The following ZNF536 variants were observed in gnomAD, a reference collection of about 807,000 sequenced individuals.
ZNF536 encodes zinc finger protein 536.
A neutral mutation model predicts 84.5 loss-of-function variants in ZNF536; 13 were observed. The observed-to-expected ratio is 0.15, with a 90% confidence interval of 0.10 to 0.24. The LOEUF is 0.24. Ranked by LOEUF, ZNF536 falls within the 10% of genes least tolerant of loss-of-function variation. The pLI is 1.00. For missense variants in ZNF536, 1,536 were observed against 1,747.5 expected, an observed-to-expected ratio of 0.88 and a Z score of 2.16; for synonymous variants, 811 against 742.5, an observed-to-expected ratio of 1.09 and a Z score of -1.50.
chr19:30,421,705 T>A (rs1416315644), intron 1 of ZNF536, among the ~76,000 whole-genome samples: 1 of 149,850 alleles, frequency 6.7e-6, no homozygotes, highest in Non-Finnish European at 1.5e-5. Flanking sequence ...TAAAACAACC[T>A]AAGTCACAGG....
chr19:30,699,421 T>G (rs2051799932), intron 1 of ZNF536, among the ~76,000 whole-genome samples: 1 of 151,298 alleles, frequency 6.6e-6, no homozygotes, highest in Non-Finnish European at 1.5e-5. Flanking sequence ...AATAAGTACA[T>G]TTTTTTTTGG....
At chr19:30,383,510 CTAAACCACGT>C (rs1360213390) in intron 1 of ZNF536, among the ~76,000 whole-genome samples, 2 of 141,306 alleles carry the variant, frequency 1.4e-5, no homozygotes, top group Non-Finnish European at 3.0e-5. Flanking sequence ...TGGACACAGC[CTAAACCACGT>C]ACACACCTGC....
Position 30,422,594 on chromosome 19 carries a change from C to T in ZNF536, c.-2-20967C>T, listed in dbSNP as rs146665911. Among the ~76,000 whole-genome samples, 1,151 of 152,270 alleles carry T rather than the reference C, an allele frequency of 7.6e-3. 15 individuals carry two copies. Among genetic ancestry groups the T allele is most frequent in the Middle Eastern group, 0.037 (11 of 294 alleles). ...TGACCCTCTTCCTTTCTAGAGGAGA[C>T]TTGTCCAGGCTTATCTCCACAGTTC... On this transcript the variant is annotated intron_variant, in intron 1 of 4. Transcript: ENST00000355537.
At chr19:30,607,587 T>A (rs1220657148) in intron 1 of ZNF536, among the ~76,000 whole-genome samples, 1 of 151,730 alleles carries the variant, frequency 6.6e-6, no homozygotes. Flanking sequence ...CTGGACGTGG[T>A]GGTGCACACC....
chr19:30,490,162 T>C (rs1220833142), intron 2 of ZNF536, among the ~76,000 whole-genome samples: 1 of 144,246 alleles, frequency 6.9e-6, no homozygotes, highest in African/African-American at 2.7e-5. Context: ...ATTGCTAACT[T>C]TTTTTTTTAA....
chr19:30,670,848 C>A (rs375802462), intron 1 of ZNF536, among the ~76,000 whole-genome samples: 1 of 152,174 alleles, frequency 6.6e-6, no homozygotes. Context: ...GCTGTAACAG[C>A]GAGAGCACAG....
chr19:30,451,940 C>T (rs764116678), intron 2 of ZNF536, among the ~76,000 whole-genome samples: 52 of 152,322 alleles, frequency 3.4e-4, no homozygotes, highest in South Asian at 6.2e-4. Flanking sequence ...AGGAATTAAG[C>T]GGTCAATTTT....
intron 1 of ZNF536, among the ~76,000 whole-genome samples, chr19:30,674,773 T>C (rs564631677): frequency 6.6e-6 from 1 of 152,286 alleles, no homozygotes; most frequent in East Asian, 1.9e-4. Flanking sequence ...GTATAGTGTG[T>C]TCTTGGTTGG....
intron 1 of ZNF536, among the ~76,000 whole-genome samples, chr19:30,617,508 G>T (rs2048345699): frequency 6.6e-6 from 1 of 151,038 alleles, no homozygotes; most frequent in Admixed American, 6.6e-5. Context: ...CTGCCACCAC[G>T]CCTGGCTAAT....
At chr19:30,566,130 C>A (rs2046337837) in intron 1 of ZNF536, among the ~76,000 whole-genome samples, 1 of 152,204 alleles carries the variant, frequency 6.6e-6, no homozygotes, top group South Asian at 2.1e-4. Flanking sequence ...CTTTGGGCAG[C>A]CTAGAGGAGA....
At position 30,548,314 on chromosome 19, in the gene ZNF536, G is replaced by C. The variant is rs2146195498; in HGVS notation, c.2695G>C (p.Glu899Gln). ...DLPSKSTHFS[E>Q]IGRAYQSIVS... ...TCCTTCCAAAAGCACCCACTTCTCT[G>C]AGATCGGAAGAGCTTATCAAAGCAT... Residue 899 changes from glutamate (E) to glutamine (Q), a missense_variant, in exon 4 of 5, where the codon GAG becomes CAG. Glu to Gln is a conservative substitution (Grantham distance 29). This residue lies in a region of ZNF536 where 624 missense variants were observed against 603.1 expected (regional missense o/e 1.03). Coordinates refer to ENST00000355537, the MANE Select transcript of ZNF536 (RefSeq NM_014717.3). 1 of 1,614,230 alleles carries C rather than the reference G, an allele frequency of 6.2e-7. No individual in the cohort carries two copies.
intron 1 of ZNF536, among the ~76,000 whole-genome samples, chr19:30,641,552 G>A (rs1213442956): frequency 6.6e-6 from 1 of 152,106 alleles, no homozygotes; most frequent in Non-Finnish European, 1.5e-5. Flanking sequence ...TATGTCGACT[G>A]TTTCCAATGT....
At chr19:30,282,411 A>G (rs932411285) in intron 1 of ZNF536, among the ~76,000 whole-genome samples, 14 of 130,068 alleles carry the variant, frequency 1.1e-4, no homozygotes, top group African/African-American at 2.9e-4. Context: ...CCCCGGTGCC[A>G]ACTGCAGGAG....
chr19:30,273,816 T>A (rs777319924), intron 1 of ZNF536, among the ~76,000 whole-genome samples: 2 of 152,224 alleles, frequency 1.3e-5, no homozygotes, highest in Admixed American at 6.5e-5. Flanking sequence ...TTTGAGAAAT[T>A]TGGAGTCAAA....
intron 1 of ZNF536, among the ~76,000 whole-genome samples, chr19:30,246,384 C>T (rs1010756213): frequency 2.6e-5 from 4 of 152,140 alleles, no homozygotes; most frequent in South Asian, 2.1e-4. Context: ...GATTTTCTCC[C>T]GTCTGTCTCA....
chr19:30,535,623 C>T (rs750383166), intron 3 of ZNF536, among the ~76,000 whole-genome samples: 2 of 151,980 alleles, frequency 1.3e-5, no homozygotes, highest in African/African-American at 4.8e-5. Flanking sequence ...CATGTTTTGG[C>T]GTCATACTGG....
At chr19:30,339,380 A>G (rs1182446159) in intron 2 of ZNF536, among the ~76,000 whole-genome samples, 1 of 152,144 alleles carries the variant, frequency 6.6e-6, no homozygotes, top group Non-Finnish European at 1.5e-5. Context: ...AGGGCTGTGG[A>G]GCAGCCACTG....
At chr19:30,361,418 A>AT (rs1439176871) in intron 3 of ZNF536, among the ~76,000 whole-genome samples, 3 of 137,906 alleles carry the variant, frequency 2.2e-5, no homozygotes, top group Non-Finnish European at 3.2e-5. Context: ...TTTATGTCAT[A>AT]TTTTTTTCCC....
At chr19:30,701,820 G>A (rs1223296535) in intron 1 of ZNF536, among the ~76,000 whole-genome samples, 2 of 152,240 alleles carry the variant, frequency 1.3e-5, no homozygotes, top group African/African-American at 2.4e-5. Context: ...TTTCATGTCT[G>A]TAAGGTGGGA....
Sources: allele counts gnomAD v4.1 joint callset (sites outside exome capture counted in the v4.1 genomes callset), GRCh38; gene constraint gnomAD v4.1.1; regional missense constraint gnomAD v4.1.1; transcripts MANE v1.5; gene names NCBI Gene and HGNC (gene_info 2026-07-23, HGNC 2026-07-21).